The following FBXL17 variants were observed in gnomAD, a reference collection of about 807,000 sequenced individuals.
FBXL17 encodes F-box/LRR-repeat protein 17.
A neutral mutation model predicts 66.2 loss-of-function variants in FBXL17; 22 were observed. That is an observed-to-expected ratio of 0.33 (90% confidence interval 0.24 to 0.47). FBXL17 has a LOEUF of 0.47. FBXL17 is among the 20% of genes least tolerant of loss of function. The probability of loss-of-function intolerance (pLI) is 1.00; values close to 1 mark genes in which losing one functional copy is unlikely to be tolerated. For missense variants in FBXL17, 878 were observed against 948.2 expected (o/e 0.93, Z 0.97); for synonymous variants, 474 against 400.5 (o/e 1.18, Z -2.19).
At chr5:108,341,079 T>C (rs1746851477) in intron 4 of FBXL17, among the ~76,000 whole-genome samples, 1 of 152,190 alleles carries the variant, frequency 6.6e-6, no homozygotes, top group African/African-American at 2.4e-5. Context: ...CTGCCTCTGA[T>C]AGTAAAACAG....
chr5:108,112,271 A>G (rs1246107291), intron 6 of FBXL17, among the ~76,000 whole-genome samples: 9 of 152,234 alleles, frequency 5.9e-5, no homozygotes, highest in Non-Finnish European at 1.2e-4. Context: ...AACCATCATT[A>G]AGGAATAAGT....
intron 5 of FBXL17, among the ~76,000 whole-genome samples, chr5:108,221,007 T>C (rs1489781776): frequency 6.6e-6 from 1 of 152,184 alleles, no homozygotes; most frequent in African/African-American, 2.4e-5. Context: ...TTCCAAACAG[T>C]CCCATAAATA....
chr5:108,214,550 T>G (rs971251245), intron 5 of FBXL17, among the ~76,000 whole-genome samples: 6 of 152,028 alleles, frequency 3.9e-5, no homozygotes, highest in Non-Finnish European at 8.8e-5. Flanking sequence ...TTAAATATTT[T>G]TAGTAGAGAC....
At chr5:108,255,299 G>A (rs749560937) in intron 4 of FBXL17, among the ~76,000 whole-genome samples, 11 of 151,870 alleles carry the variant, frequency 7.2e-5, no homozygotes, top group East Asian at 5.8e-4. Context: ...TACATACACC[G>A]TAACATGGAT....
At chr5:108,065,753 T>C (rs1748093120) in intron 6 of FBXL17, among the ~76,000 whole-genome samples, 1 of 152,124 alleles carries the variant, frequency 6.6e-6, no homozygotes, top group African/African-American at 2.4e-5. Flanking sequence ...AGAGTCTCCT[T>C]TCCCAAGTAA....
At chr5:108,048,502 A>T (rs1307610983) in intron 6 of FBXL17, among the ~76,000 whole-genome samples, 1 of 152,086 alleles carries the variant, frequency 6.6e-6, no homozygotes, top group East Asian at 1.9e-4. Context: ...GTAATAAAAA[A>T]CTCTGCTGAG....
At chr5:108,295,125 T>C (rs1172119536) in intron 4 of FBXL17, among the ~76,000 whole-genome samples, 2 of 151,950 alleles carry the variant, frequency 1.3e-5, no homozygotes, top group Non-Finnish European at 2.9e-5. Flanking sequence ...CTCTGAAGGA[T>C]ATATTATTTA....
chr5:108,352,471 T>C (rs1201032002), intron 3 of FBXL17, among the ~76,000 whole-genome samples: 1 of 152,212 alleles, frequency 6.6e-6, no homozygotes, highest in African/African-American at 2.4e-5. Context: ...CAATTAGTAC[T>C]CTATCTAAAA....
chr5:108,144,280 GA>G (rs759596034), intron 6 of FBXL17, among the ~76,000 whole-genome samples: 15 of 152,066 alleles, frequency 9.9e-5, no homozygotes, highest in Non-Finnish European at 1.8e-4. Flanking sequence ...AAAAGTTGCT[GA>G]AAAAACCAAT....
intron 3 of FBXL17, among the ~76,000 whole-genome samples, chr5:108,360,710 C>T (rs1748289447): frequency 6.6e-6 from 1 of 152,058 alleles, no homozygotes; most frequent in African/African-American, 2.4e-5. Flanking sequence ...CTGGAATTAG[C>T]AAAATGTGAA....
chr5:108,050,900 T>C (rs957221573), intron 6 of FBXL17, among the ~76,000 whole-genome samples: 6 of 148,934 alleles, frequency 4.0e-5, no homozygotes, highest in African/African-American at 1.5e-4. Flanking sequence ...ATGATATCAG[T>C]TGATATCACC....
intron 5 of FBXL17, among the ~76,000 whole-genome samples, chr5:108,223,546 A>G (rs925157546): frequency 1.3e-5 from 2 of 152,204 alleles, no homozygotes; most frequent in African/African-American, 4.8e-5. Flanking sequence ...ATTATTTTAA[A>G]GCTCTGGAAA....
At chr5:108,301,302 T>G (rs918648928) in intron 4 of FBXL17, among the ~76,000 whole-genome samples, 15 of 151,800 alleles carry the variant, frequency 9.9e-5, no homozygotes, top group Non-Finnish European at 1.5e-4. Flanking sequence ...GCTTTAAAAA[T>G]GCATAATAAA....
At chr5:108,144,321 C>T (rs761422127) in intron 6 of FBXL17, among the ~76,000 whole-genome samples, 15 of 151,960 alleles carry the variant, frequency 9.9e-5, no homozygotes, top group Admixed American at 7.2e-4. Context: ...ATATGATAAA[C>T]GGTAAATTAT....
At chr5:108,127,528 T>C (rs538506750) in intron 6 of FBXL17, among the ~76,000 whole-genome samples, 2 of 152,232 alleles carry the variant, frequency 1.3e-5, no homozygotes, top group South Asian at 4.2e-4. Flanking sequence ...CACATAATGG[T>C]TGTTCTCTTG....
chr5:108,368,714 A>G (rs1748833484), intron 1 of FBXL17, among the ~76,000 whole-genome samples: 1 of 152,156 alleles, frequency 6.6e-6, no homozygotes. Context: ...ACTAATAGTA[A>G]TGTACAATGC....
chr5:108,307,976 A>C (rs562314180), intron 4 of FBXL17, among the ~76,000 whole-genome samples: 78 of 152,150 alleles, frequency 5.1e-4, no homozygotes, highest in Non-Finnish European at 2.9e-4. Flanking sequence ...AAAACATAAT[A>C]AAATATGATA....
chr5:107,914,782 T>C (rs980755489), intron 7 of FBXL17, among the ~76,000 whole-genome samples: 3 of 152,172 alleles, frequency 2.0e-5, no homozygotes, highest in African/African-American at 7.2e-5. Flanking sequence ...ATAACACCAA[T>C]ATATTGAGTA....
At chr5:108,375,557 T>C (rs1177369630) in intron 1 of FBXL17, among the ~76,000 whole-genome samples, 1 of 152,008 alleles carries the variant, frequency 6.6e-6, no homozygotes, top group Non-Finnish European at 1.5e-5. Flanking sequence ...TCCTAGAATA[T>C]AAACTATAAA....
Sources: allele counts gnomAD v4.1 joint callset (sites outside exome capture counted in the v4.1 genomes callset), GRCh38; gene constraint gnomAD v4.1.1; transcripts MANE v1.5; gene names NCBI Gene and HGNC (gene_info 2026-07-23, HGNC 2026-07-21).